The following FLVCR2 variants were observed in gnomAD, a reference collection of about 807,000 sequenced individuals.
FLVCR2 encodes the protein FLVCR choline and putative heme transporter 2.
Under a neutral mutation model 48.9 loss-of-function variants are expected in FLVCR2, and 38 were observed. That is an observed-to-expected ratio of 0.78 (90% CI 0.60 to 1.02). FLVCR2 has a LOEUF of 1.02. FLVCR2 is among the 50% of genes least tolerant of loss of function. FLVCR2 has a pLI of 0.00. For missense variants in FLVCR2, 664 were observed against 663.3 expected (o/e 1.00, Z -0.01); for synonymous variants, 255 against 257.0 (o/e 0.99, Z 0.07).
chr14:75,643,076 G>T (rs927890686), intron 9 of FLVCR2, among the ~76,000 whole-genome samples: 1 of 152,110 alleles, frequency 6.6e-6, no homozygotes, highest in African/African-American at 2.4e-5. Context: ...TGGCCAGTCT[G>T]GTCTCAAACT....
At chr14:75,633,979 G>T (rs529450422) in intron 4 of FLVCR2, among the ~76,000 whole-genome samples, 1 of 151,790 alleles carries the variant, frequency 6.6e-6, no homozygotes, top group Non-Finnish European at 1.5e-5. Flanking sequence ...TTCTTGCAAG[G>T]TTCTTTTTAG....
chr14:75,628,093 C>A (rs1181642772), intron 3 of FLVCR2, among the ~76,000 whole-genome samples: 1 of 152,084 alleles, frequency 6.6e-6, no homozygotes, highest in Non-Finnish European at 1.5e-5. Flanking sequence ...TGTGTTTGTT[C>A]CAAATTAAAA....
At chr14:75,645,824 A>C (rs1890407972) in intron 9 of FLVCR2, among the ~76,000 whole-genome samples, 1 of 151,344 alleles carries the variant, frequency 6.6e-6, no homozygotes, top group Non-Finnish European at 1.5e-5. Context: ...AGGCTGAGGC[A>C]AGAGAATCAC....
chr14:75,631,426 C>T lies in FLVCR2; in HGVS notation c.953-2203C>T, dbSNP rs146233395. Reference sequence around the variant, plus strand: ...GAAACTATTTCACTAAACCATTGAGCCCCAGAAAAACCACTCAGCTTCAGC... The same window carrying T: ...GAAACTATTTCACTAAACCATTGAGTCCCAGAAAAACCACTCAGCTTCAGC... On this transcript the variant is annotated intron_variant, in intron 3 of 9. Transcript: ENST00000238667. Among the ~76,000 whole-genome samples the T allele has an allele frequency of 1.6e-3, 237 of 152,284 alleles. 2 individuals carry two copies. Among genetic ancestry groups the T allele is most frequent in the African/African-American group, 5.4e-3 (225 of 41,566 alleles).
Position 75,579,294 on chromosome 14 carries a change from A to G in FLVCR2, c.322A>G (p.Ile108Val), listed in dbSNP as rs770326592. 8 of 1,614,090 alleles carry G rather than the reference A, an allele frequency of 5.0e-6. No homozygotes were observed. The Admixed American group carries it at 5.0e-5, about 10-fold the overall frequency. Residue 108 changes from isoleucine (I) to valine (V), a missense_variant, in exon 1 of 10, where the codon ATC becomes GTC. Physicochemically the swap from Ile to Val is conservative, Grantham distance 29. Coordinates refer to ENST00000238667, the MANE Select transcript of FLVCR2 (RefSeq NM_017791.3). The stretch of plus-strand genomic sequence containing the variant: ...CTTTCAGTGGATCCAGTACGGCTCC[A>G]TCAATAACATCTTCATGCACTTCTA... ...NSFQWIQYGS[I>V]NNIFMHFYGV...
chr14:75,633,002 A>G lies in FLVCR2; in HGVS notation c.953-627A>G, dbSNP rs752773966. The G allele has an allele frequency of 1.2e-4, 85 of 701,762 alleles. No individual in the cohort carries two copies. In the East Asian group the frequency reaches 2.3e-3, roughly 19 times the overall value. The allele number at this position is 701,762 out of a possible 1,614,324, so 43.5% of individuals were successfully genotyped here. A position where few individuals can be genotyped will look rare whatever the true frequency, so the allele number is the denominator to read the frequency against. On this transcript the variant is annotated intron_variant, in intron 3 of 9. Coordinates refer to ENST00000238667, the MANE Select transcript of FLVCR2 (RefSeq NM_017791.3). ...CTTGCTGTATGACTTTGGGCAAATG[A>G]CCTTATTCGCTAAAGATACAGCCTT...
chr14:75,644,620 T>A (rs1890376641), intron 9 of FLVCR2, among the ~76,000 whole-genome samples: 1 of 152,176 alleles, frequency 6.6e-6, no homozygotes, highest in Admixed American at 6.5e-5. Flanking sequence ...CCCTGGCACC[T>A]GTGGCAGCAT....
At chr14:75,635,279 G>A (rs1890140669) in intron 5 of FLVCR2, among the ~76,000 whole-genome samples, 1 of 152,104 alleles carries the variant, frequency 6.6e-6, no homozygotes, top group Admixed American at 6.6e-5. Flanking sequence ...CACTCTCTAA[G>A]TAGCTTTGTG....
At chr14:75,586,354 G>T (rs940868944) in intron 1 of FLVCR2, among the ~76,000 whole-genome samples, 9 of 152,038 alleles carry the variant, frequency 5.9e-5, no homozygotes, top group Non-Finnish European at 1.2e-4. Context: ...GTTAGGGTGG[G>T]GCAGAAACAA....
At chr14:75,582,923 C>A (rs111620227) in intron 1 of FLVCR2, among the ~76,000 whole-genome samples, 1 of 149,098 alleles carries the variant, frequency 6.7e-6, no homozygotes, top group African/African-American at 2.5e-5. Flanking sequence ...TAGCTGGACA[C>A]GATCAGCAGG....
rs773560360 is a variant in FLVCR2 at position 75,624,670 on chromosome 14, G to A, written c.870G>A (p.Leu290=). Residue 290 remains leucine, a synonymous_variant, in exon 3 of 10, where the codon TTG becomes TTA. Coordinates refer to ENST00000238667, the MANE Select transcript of FLVCR2 (RefSeq NM_017791.3). ...PSRAQSLSYA[L]TSPDASYLGS... is the part of the protein sequence containing the mutation. The stretch of plus-strand genomic sequence containing the variant: ...GGGCCCAATCCCTGAGCTATGCCTT[G>A]ACCTCTCCTGATGCCTCATACTTAG... 63 of 1,613,984 alleles carry A rather than the reference G, an allele frequency of 3.9e-5. 1 individual carries two copies. Among genetic ancestry groups the A allele is most frequent in the Non-Finnish European group, 5.2e-5 (61 of 1,180,032 alleles).
intron 1 of FLVCR2, among the ~76,000 whole-genome samples, chr14:75,616,725 G>A (rs945469811): frequency 6.6e-6 from 1 of 152,198 alleles, no homozygotes; most frequent in Non-Finnish European, 1.5e-5. Flanking sequence ...CACGTTGGGA[G>A]AGGAATGAGT....
intron 1 of FLVCR2, among the ~76,000 whole-genome samples, chr14:75,608,904 C>T (rs1269565851): frequency 6.6e-6 from 1 of 152,152 alleles, no homozygotes; most frequent in African/African-American, 2.4e-5. Flanking sequence ...CACACAGTCC[C>T]CTGGCTATCA....
intron 1 of FLVCR2, among the ~76,000 whole-genome samples, chr14:75,613,123 T>C (rs1389509165): frequency 3.3e-5 from 5 of 152,128 alleles, no homozygotes; most frequent in Non-Finnish European, 5.9e-5. Flanking sequence ...CAGGTGGACA[T>C]GGTCCTGGGA....
At chr14:75,596,472 C>G (rs1889024246) in intron 1 of FLVCR2, among the ~76,000 whole-genome samples, 1 of 151,954 alleles carries the variant, frequency 6.6e-6, no homozygotes, top group Non-Finnish European at 1.5e-5. Flanking sequence ...TTCATCCTAT[C>G]TAAAGGCACC....
At chr14:75,585,910 G>C (rs1018848763) in intron 1 of FLVCR2, among the ~76,000 whole-genome samples, 1 of 152,230 alleles carries the variant, frequency 6.6e-6, no homozygotes, top group East Asian at 1.9e-4. Flanking sequence ...CTGGAGAAGA[G>C]AGTGAAAAGA....
At chr14:75,597,795 C>T (rs1182563837) in intron 1 of FLVCR2, among the ~76,000 whole-genome samples, 2 of 152,088 alleles carry the variant, frequency 1.3e-5, no homozygotes, top group Non-Finnish European at 2.9e-5. Context: ...GTCTTGAACT[C>T]GCGACCTCAG....
At chr14:75,594,040 C>T (rs1477519007) in intron 1 of FLVCR2, among the ~76,000 whole-genome samples, 1 of 152,192 alleles carries the variant, frequency 6.6e-6, no homozygotes, top group Non-Finnish European at 1.5e-5. Flanking sequence ...CACCAGATAT[C>T]CTAGTTCATC....
At chr14:75,629,615 C>A (rs1414253730) in intron 3 of FLVCR2, among the ~76,000 whole-genome samples, 1 of 152,084 alleles carries the variant, frequency 6.6e-6, no homozygotes, top group Non-Finnish European at 1.5e-5. Flanking sequence ...GAGAAAGGAA[C>A]CTTCCTCTGG....
Sources: allele counts gnomAD v4.1 joint callset (sites outside exome capture counted in the v4.1 genomes callset), GRCh38; gene constraint gnomAD v4.1.1; transcripts MANE v1.5; gene names NCBI Gene and HGNC (gene_info 2026-07-23, HGNC 2026-07-21).